Variants in NRXN3 observed in about 807,000 individuals in gnomAD.
The protein encoded by NRXN3 is neurexin 3, also known as neurexin III.
A neutral mutation model predicts 137.6 loss-of-function variants in NRXN3; 32 were observed. That is an observed-to-expected ratio of 0.23 (90% CI 0.18 to 0.31). The LOEUF (loss-of-function observed/expected upper bound fraction) is 0.31, where lower values mean the gene tolerates loss of function less well. Ranked by LOEUF, NRXN3 falls within the 10% of genes least tolerant of loss-of-function variation. NRXN3 has a pLI of 1.00. For synonymous variants in NRXN3, 798 were observed against 784.5 expected (o/e 1.02, Z -0.29); for missense variants, 1,574 against 2,062.5 (o/e 0.76, Z 4.59).
At chr14:78,379,137 C>T (rs1178050944) in intron 4 of NRXN3, among the ~76,000 whole-genome samples, 3 of 151,984 alleles carry the variant, frequency 2.0e-5, no homozygotes, top group African/African-American at 7.2e-5. Context: ...TTAAAAACTC[C>T]CACAAAAGAA....
chr14:79,838,376 A>G (rs1031623694), intron 20 of NRXN3, among the ~76,000 whole-genome samples: 1 of 152,238 alleles, frequency 6.6e-6, no homozygotes, highest in Non-Finnish European at 1.5e-5. Context: ...TGGAGACTGT[A>G]AGTGGGTTCC....
intron 19 of NRXN3, among the ~76,000 whole-genome samples, chr14:79,741,530 G>A (rs2098963066): frequency 6.6e-6 from 1 of 151,776 alleles, no homozygotes; most frequent in Non-Finnish European, 1.5e-5. Context: ...TGTCACCCAG[G>A]CTGGAGTGCA....
At position 78,584,185 on chromosome 14, in the gene NRXN3, G is replaced by A. The variant is rs150296404; in HGVS notation, c.758-60935G>A. 2.0e-3 allele frequency among the ~76,000 whole-genome samples: 300 copies of A among 152,248 alleles called. 1 individual carries two copies. The highest frequency in any genetic ancestry group is 0.014 in the Middle Eastern group (4 of 294). On this transcript the variant is annotated intron_variant, in intron 4 of 20. Transcript: ENST00000335750. Reference sequence around the variant, plus strand: ...GACATCTCCTGTATGTGGACCATCTGTCTGTATGTGTGCCTGCGATTGTTT... The same window carrying A: ...GACATCTCCTGTATGTGGACCATCTATCTGTATGTGTGCCTGCGATTGTTT...
chr14:79,470,033 A>G (rs1028724213), intron 16 of NRXN3, among the ~76,000 whole-genome samples: 1 of 152,170 alleles, frequency 6.6e-6, no homozygotes, highest in African/African-American at 2.4e-5. Context: ...ACAATCTGTA[A>G]AAGGTGGTTC....
At chr14:78,486,163 A>C (rs893538315) in intron 4 of NRXN3, among the ~76,000 whole-genome samples, 2 of 152,194 alleles carry the variant, frequency 1.3e-5, no homozygotes, top group Admixed American at 6.5e-5. Flanking sequence ...TGAGTGTTTA[A>C]ATACTGCTAT....
chr14:78,409,922 C>G (rs72681532), intron 4 of NRXN3, among the ~76,000 whole-genome samples: 20,739 of 152,156 alleles, frequency 0.14, 1,789 homozygotes, highest in African/African-American at 0.24. Context: ...TCTAGGAATA[C>G]CTTGATACAA....
At chr14:79,223,616 T>C (rs4391987) in intron 15 of NRXN3, among the ~76,000 whole-genome samples, 136,164 of 152,100 alleles carry the variant, frequency 0.9, 62,226 homozygotes, top group Non-Finnish European at 0.98. Flanking sequence ...GAATGTGGTC[T>C]GATGGTGATC....
intron 15 of NRXN3, among the ~76,000 whole-genome samples, chr14:79,144,660 G>C (rs759466533): frequency 6.6e-6 from 1 of 152,082 alleles, no homozygotes; most frequent in Admixed American, 6.6e-5. Context: ...TGAAATGGTC[G>C]CCTCTCATGC....
At chr14:79,199,585 A>G (rs77897374) in intron 15 of NRXN3, among the ~76,000 whole-genome samples, 28,715 of 152,234 alleles carry the variant, frequency 0.19, 2,954 homozygotes, top group Non-Finnish European at 0.24. Context: ...AACATATGAG[A>G]AAAAAGCAAG....
chr14:79,502,012 T>A (rs2096830961), intron 16 of NRXN3, among the ~76,000 whole-genome samples: 1 of 152,210 alleles, frequency 6.6e-6, no homozygotes, highest in African/African-American at 2.4e-5. Context: ...ATCTGATTCT[T>A]ACATTTGGAG....
chr14:79,127,510 G>T (rs61992509), intron 15 of NRXN3, among the ~76,000 whole-genome samples: 1 of 152,078 alleles, frequency 6.6e-6, no homozygotes, highest in Non-Finnish European at 1.5e-5. Flanking sequence ...ATTTCTGAGG[G>T]CTCTGTTCTG....
chr14:79,833,696 A>C (rs2099329457), intron 20 of NRXN3, among the ~76,000 whole-genome samples: 1 of 152,138 alleles, frequency 6.6e-6, no homozygotes, highest in Non-Finnish European at 1.5e-5. Context: ...ATGATATTGC[A>C]TGGACTCTAT....
intron 4 of NRXN3, among the ~76,000 whole-genome samples, chr14:78,622,821 T>C (rs2097419565): frequency 6.6e-6 from 1 of 152,238 alleles, no homozygotes; most frequent in Non-Finnish European, 1.5e-5. Context: ...TTGGTAAACT[T>C]TGCAAAGCAG....
intron 6 of NRXN3, among the ~76,000 whole-genome samples, chr14:78,660,276 T>TATATATATATATATATATA (rs1566997203): frequency 2.7e-5 from 4 of 150,214 alleles, no homozygotes; most frequent in African/African-American, 9.9e-5. Context: ...TATATATATA[T>TATATATATATATATATATA]TTGGCAACTG....
chr14:79,224,539 C>T (rs1158307890), intron 15 of NRXN3, among the ~76,000 whole-genome samples: 1 of 152,092 alleles, frequency 6.6e-6, no homozygotes, highest in Non-Finnish European at 1.5e-5. Flanking sequence ...CTTACCTTAG[C>T]TTAAAGAGAT....
chr14:79,446,356 C>A (rs1488071440), intron 15 of NRXN3, among the ~76,000 whole-genome samples: 1 of 152,090 alleles, frequency 6.6e-6, no homozygotes, highest in Admixed American at 6.5e-5. Flanking sequence ...AGCCCTTTTT[C>A]TGAAAGTCTT....
chr14:79,433,508 C>T (rs1287863485), intron 15 of NRXN3, among the ~76,000 whole-genome samples: 1 of 152,108 alleles, frequency 6.6e-6, no homozygotes, highest in Non-Finnish European at 1.5e-5. Context: ...CAGACTCACA[C>T]TAGTTTTTTA....
chr14:79,847,102 A>G (rs2099378410), intron 20 of NRXN3, among the ~76,000 whole-genome samples: 1 of 152,164 alleles, frequency 6.6e-6, no homozygotes, highest in Non-Finnish European at 1.5e-5. Flanking sequence ...TCAACAGAGG[A>G]GGCTGAATCC....
chr14:79,358,607 G>GAAAGAGGAAAGAAAGAAAGAA (rs10667477), intron 15 of NRXN3, among the ~76,000 whole-genome samples: 1 of 79,944 alleles, frequency 1.3e-5, no homozygotes. Flanking sequence ...AAGAAAGAAA[G>GAAAGAGGAAAGAAAGAAAGAA]AGAAAGAAAG....
Sources: allele counts gnomAD v4.1 joint callset (sites outside exome capture counted in the v4.1 genomes callset), GRCh38; gene constraint gnomAD v4.1.1; transcripts MANE v1.5; gene names NCBI Gene and HGNC (gene_info 2026-07-23, HGNC 2026-07-21).